MGAT5: variants seen among roughly 807,000 people sequenced by gnomAD.
The protein encoded by MGAT5 is alpha-1,6-mannosylglycoprotein 6-beta-N-acetylglucosaminyltransferase A.
In MGAT5, 30 loss-of-function variants were observed where a neutral mutation model predicts 94.3. The observed-to-expected ratio is 0.32, with a 90% confidence interval of 0.24 to 0.43. The LOEUF (loss-of-function observed/expected upper bound fraction) is 0.43, where lower values mean the gene tolerates loss of function less well. Among genes scored for constraint, MGAT5 ranks in the 20% least tolerant of loss-of-function variants. MGAT5 has a pLI of 1.00. For synonymous variants in MGAT5, 310 were observed against 322.9 expected (o/e 0.96, Z 0.43); for missense variants, 691 against 905.5 (o/e 0.76, Z 3.04).
chr2:134,158,325 C>A (rs898094904), intron 1 of MGAT5, among the ~76,000 whole-genome samples: 1 of 152,236 alleles, frequency 6.6e-6, no homozygotes, highest in Non-Finnish European at 1.5e-5. Context: ...GCCACCCTCA[C>A]CCCCTCTAAG....
intron 1 of MGAT5, among the ~76,000 whole-genome samples, chr2:134,170,672 C>T (rs1166302258): frequency 7.9e-5 from 12 of 152,176 alleles, no homozygotes; most frequent in Non-Finnish European, 1.8e-4. Flanking sequence ...GGATCTGTCC[C>T]TCCCTCCCTT....
At chr2:134,159,809 TG>T (rs555826157) in intron 1 of MGAT5, among the ~76,000 whole-genome samples, 111 of 152,148 alleles carry the variant, frequency 7.3e-4, no homozygotes, top group African/African-American at 2.4e-3. Flanking sequence ...GCCTCAATAG[TG>T]GGGGTATGAT....
At chr2:134,132,887 C>T (rs1379213920) in intron 1 of MGAT5, among the ~76,000 whole-genome samples, 2 of 152,240 alleles carry the variant, frequency 1.3e-5, no homozygotes, top group Non-Finnish European at 2.9e-5. Context: ...TGCCATCTAA[C>T]ATTACACCCG....
intron 10 of MGAT5, among the ~76,000 whole-genome samples, chr2:134,396,025 G>A (rs934993566): frequency 1.1e-4 from 16 of 152,292 alleles, no homozygotes; most frequent in African/African-American, 3.9e-4. Flanking sequence ...AGACTGGGCT[G>A]GAAACAAGAC....
intron 2 of MGAT5, among the ~76,000 whole-genome samples, chr2:134,312,624 G>A (rs976572221): frequency 6.6e-5 from 10 of 152,194 alleles, no homozygotes; most frequent in Non-Finnish European, 1.3e-4. Flanking sequence ...GACGGGTAGA[G>A]GAGGCTTCGT....
intron 1 of MGAT5, among the ~76,000 whole-genome samples, chr2:134,136,620 CAG>C (rs1686423301): frequency 6.6e-6 from 1 of 152,040 alleles, no homozygotes; most frequent in African/African-American, 2.4e-5. Context: ...ATTTTGGTAA[CAG>C]TATTTCAATA....
intron 12 of MGAT5, among the ~76,000 whole-genome samples, chr2:134,420,809 C>A (rs948699872): frequency 6.6e-6 from 1 of 152,074 alleles, no homozygotes; most frequent in Admixed American, 6.5e-5. Context: ...GGGAATAATT[C>A]TCTAACAAAT....
chr2:134,230,330 G>A (rs960956439), intron 1 of MGAT5, among the ~76,000 whole-genome samples: 1 of 152,144 alleles, frequency 6.6e-6, no homozygotes, highest in Non-Finnish European at 1.5e-5. Flanking sequence ...CTGCTGTGTG[G>A]CCCAGTTCCT....
At chr2:134,197,665 G>C (rs543570122) in intron 1 of MGAT5, among the ~76,000 whole-genome samples, 2 of 152,336 alleles carry the variant, frequency 1.3e-5, no homozygotes, top group East Asian at 3.9e-4. Context: ...TAAGGAACAT[G>C]TTCAGCTGCT....
intron 10 of MGAT5, among the ~76,000 whole-genome samples, chr2:134,385,443 A>G (rs977432980): frequency 6.6e-6 from 1 of 152,222 alleles, no homozygotes; most frequent in African/African-American, 2.4e-5. Flanking sequence ...TATATATTAA[A>G]TCCAAAGAGA....
At chr2:134,263,009 G>A (rs1437188256) in intron 1 of MGAT5, among the ~76,000 whole-genome samples, 2 of 152,166 alleles carry the variant, frequency 1.3e-5, no homozygotes, top group Non-Finnish European at 2.9e-5. Flanking sequence ...GCTGGGTATG[G>A]CCAAGTTCAC....
At chr2:134,283,598 T>C (rs951603750) in intron 2 of MGAT5, among the ~76,000 whole-genome samples, 1 of 148,412 alleles carries the variant, frequency 6.7e-6, no homozygotes, top group African/African-American at 2.5e-5. Context: ...TGTCTGTAGG[T>C]GCCTGTCTCT....
At chr2:134,330,394 A>G (rs1687888527) in intron 4 of MGAT5, among the ~76,000 whole-genome samples, 1 of 152,128 alleles carries the variant, frequency 6.6e-6, no homozygotes, top group Non-Finnish European at 1.5e-5. Flanking sequence ...GGTAACTCTA[A>G]TGTATCCTGG....
intron 9 of MGAT5, among the ~76,000 whole-genome samples, chr2:134,357,529 C>G (rs1679822618): frequency 1.3e-5 from 2 of 152,184 alleles, no homozygotes; most frequent in South Asian, 4.1e-4. Context: ...CTTCCATGTA[C>G]AATTTTATTT....
At chr2:134,304,921 AGGCT>A (rs2105841188) in intron 2 of MGAT5, among the ~76,000 whole-genome samples, 1 of 152,312 alleles carries the variant, frequency 6.6e-6, no homozygotes, top group East Asian at 1.9e-4. Flanking sequence ...ATTACCTAGC[AGGCT>A]TGGCATGTAT....
At chr2:134,255,842 G>C (rs1195945657) in intron 1 of MGAT5, among the ~76,000 whole-genome samples, 1 of 152,108 alleles carries the variant, frequency 6.6e-6, no homozygotes, top group Non-Finnish European at 1.5e-5. Context: ...CAACAGTTCA[G>C]TTCAGTGCAG....
At chr2:134,327,554 C>T (rs144994048) in intron 4 of MGAT5, among the ~76,000 whole-genome samples, 2 of 152,232 alleles carry the variant, frequency 1.3e-5, no homozygotes, top group African/African-American at 4.8e-5. Context: ...GCTGTTCCAG[C>T]CCTGGGCATG....
At chr2:134,234,185 G>T (rs1267035818) in intron 1 of MGAT5, among the ~76,000 whole-genome samples, 3 of 152,178 alleles carry the variant, frequency 2.0e-5, no homozygotes, top group Non-Finnish European at 4.4e-5. Context: ...AGTAGTTGGG[G>T]GCTGAGAAGG....
At chr2:134,349,720 A>T in intron 8 of MGAT5, 85 bp from the exon 9 acceptor site, 1 of 1,434,204 alleles carries the variant, frequency 7.0e-7, no homozygotes, top group Non-Finnish European at 9.5e-7. Context: ...TATTTTTAGT[A>T]GTCTTGAAGG....
Sources: gnomAD v4.1 joint callset for allele counts (sites outside exome capture counted in the v4.1 genomes callset) on GRCh38, gnomAD v4.1.1 for gene constraint, MANE v1.5 for transcripts, NCBI Gene and HGNC (gene_info 2026-07-23, HGNC 2026-07-21) for gene names.